Variants in FOXP1 observed in about 807,000 individuals in gnomAD.
The protein encoded by FOXP1 is forkhead box P1, also known as forkhead box protein P1.
In FOXP1, 15 loss-of-function variants were observed where a neutral mutation model predicts 98.2. The observed-to-expected ratio is 0.15, with a 90% CI of 0.10 to 0.24. The LOEUF is 0.24. Ranked by LOEUF, FOXP1 falls within the 10% of genes least tolerant of loss-of-function variation. The probability of loss-of-function intolerance (pLI) is 1.00; values close to 1 mark genes in which losing one functional copy is unlikely to be tolerated. For synonymous variants in FOXP1, 371 were observed against 314.5 expected, an observed-to-expected ratio of 1.18 and a Z score of -1.90; for missense variants, 633 against 848.5, an observed-to-expected ratio of 0.75 and a Z score of 3.15.
intron 6 of FOXP1, among the ~76,000 whole-genome samples, chr3:71,174,580 C>G (rs2061819997): frequency 6.6e-6 from 1 of 152,022 alleles, no homozygotes; most frequent in Non-Finnish European, 1.5e-5. Context: ...TGGAAGGGTC[C>G]ACATCATACC....
At chr3:71,368,521 AG>A (rs2079073834) in intron 3 of FOXP1, among the ~76,000 whole-genome samples, 1 of 152,230 alleles carries the variant, frequency 6.6e-6, no homozygotes, top group South Asian at 2.1e-4. Context: ...TGAGAAAAAA[AG>A]GGTATTGATA....
chr3:71,205,634 G>C (rs1009572056), intron 5 of FOXP1, among the ~76,000 whole-genome samples: 1 of 152,184 alleles, frequency 6.6e-6, no homozygotes, highest in African/African-American at 2.4e-5. Context: ...GAGGAGTCGG[G>C]CCTCCCCAGG....
intron 3 of FOXP1, among the ~76,000 whole-genome samples, chr3:71,463,515 C>T (rs1049433383): frequency 6.6e-6 from 1 of 152,140 alleles, no homozygotes; most frequent in African/African-American, 2.4e-5. Context: ...CTGTATGCAA[C>T]AGGCTCTCCC....
chr3:71,274,208 C>T (rs1345602685), intron 5 of FOXP1, among the ~76,000 whole-genome samples: 12 of 152,148 alleles, frequency 7.9e-5, no homozygotes, highest in Non-Finnish European at 1.3e-4. Flanking sequence ...TGTTCCCAGG[C>T]CTATAGGAGC....
chr3:71,557,496 C>G (rs1578168451), intron 2 of FOXP1, among the ~76,000 whole-genome samples: 1 of 152,098 alleles, frequency 6.6e-6, no homozygotes, highest in African/African-American at 2.4e-5. Flanking sequence ...GTGGTCAACC[C>G]AAGCCAAGAA....
Position 71,027,925 on chromosome 3 carries a change from G to A in FOXP1, c.870-12272C>T, listed in dbSNP as rs770263803. ...AACTTTAAGTAAGTTCTCATCCTCG[G>A]AAAGAGTTCTACCCAATTCTCTAGT... On this transcript the variant is annotated intron_variant, in intron 11 of 20. Coordinates refer to ENST00000649528, the MANE Select transcript of FOXP1 (RefSeq NM_001349338.3). 2.0e-5 allele frequency among the ~76,000 whole-genome samples: 3 copies of A among 152,094 alleles called. No individual in the cohort carries two copies. The South Asian group carries it at 6.2e-4, about 32-fold the overall frequency.
At chr3:71,484,684 C>T (rs1211183367) in intron 3 of FOXP1, among the ~76,000 whole-genome samples, 5 of 152,060 alleles carry the variant, frequency 3.3e-5, no homozygotes, top group Non-Finnish European at 5.9e-5. Flanking sequence ...AGTCCTGGGG[C>T]CAGGACCTGA....
chr3:71,254,715 C>T (rs981823492), intron 5 of FOXP1, among the ~76,000 whole-genome samples: 7 of 152,166 alleles, frequency 4.6e-5, no homozygotes. Flanking sequence ...ACTCTTTTCA[C>T]ATGTACACTG....
chr3:71,364,773 T>A (rs1222843173), intron 3 of FOXP1, among the ~76,000 whole-genome samples: 1 of 152,248 alleles, frequency 6.6e-6, no homozygotes, highest in Non-Finnish European at 1.5e-5. Context: ...GCGTTTCAGA[T>A]GTTCTTCATG....
rs2044534734 is a variant in FOXP1, at chr3:71,016,656, A to ACACAC, written c.870-1004_870-1003insGTGTG. ...AAGCACAATGAATGATGATTACAAG[A>ACACAC]ACACACACACACACACACACACACA... is the stretch of plus-strand genomic sequence containing the variant. On this transcript the variant is annotated intron_variant, in intron 11 of 20. Transcript: ENST00000649528. Among the ~76,000 whole-genome samples the ACACAC allele has an allele frequency of 2.7e-5, 4 of 146,258 alleles. No homozygotes were observed. The South Asian group carries it at 6.6e-4, about 24-fold the overall frequency.
chr3:71,547,873 T>C (rs902862150), intron 2 of FOXP1, among the ~76,000 whole-genome samples: 1 of 152,218 alleles, frequency 6.6e-6, no homozygotes, highest in Non-Finnish European at 1.5e-5. Context: ...GAGCTCTTGT[T>C]GTGTACATCT....
At chr3:71,547,404 C>T (rs1250880494) in intron 2 of FOXP1, among the ~76,000 whole-genome samples, 1 of 152,154 alleles carries the variant, frequency 6.6e-6, no homozygotes, top group African/African-American at 2.4e-5. Context: ...CCATATCAGG[C>T]CTTATCCAAA....
chr3:71,571,192 T>A (rs1022548175), intron 2 of FOXP1: 10 of 152,212 alleles, frequency 6.6e-5, no homozygotes, highest in Non-Finnish European at 1.5e-4. Flanking sequence ...TGTTTTCCCT[T>A]AAGGTTTTAG....
At chr3:71,413,259 G>GACACACACAC (rs528319234) in intron 3 of FOXP1, among the ~76,000 whole-genome samples, 7,349 of 64,172 alleles carry the variant, frequency 0.11, 431 homozygotes, top group Non-Finnish European at 0.14. Context: ...CCCCCAAATA[G>GACACACACAC]ACACACACAC....
chr3:71,018,497 C>T (rs1409822413), intron 11 of FOXP1, among the ~76,000 whole-genome samples: 2 of 152,200 alleles, frequency 1.3e-5, no homozygotes, highest in African/African-American at 2.4e-5. Flanking sequence ...CCCCACACCC[C>T]AACCTAGGCA....
chr3:70,968,746 T>C (rs372689952), intron 19 of FOXP1: 53 of 152,328 alleles, frequency 3.5e-4, no homozygotes, highest in Admixed American at 1.6e-3. Flanking sequence ...TTTGAAGATA[T>C]TGTTCCACTA....
chr3:71,179,897 G>C (rs982813663), intron 6 of FOXP1, among the ~76,000 whole-genome samples: 2 of 152,050 alleles, frequency 1.3e-5, no homozygotes, highest in Admixed American at 6.6e-5. Flanking sequence ...AAAATTATTT[G>C]CTATTCAATT....
intron 5 of FOXP1, among the ~76,000 whole-genome samples, chr3:71,295,715 A>T (rs1008890651): frequency 6.6e-6 from 1 of 152,230 alleles, no homozygotes. Context: ...TGAATTTTAC[A>T]AATTGGATTT....
chr3:70,970,044 T>C (rs1423308897), intron 19 of FOXP1: 1 of 152,400 alleles, frequency 6.6e-6, no homozygotes. Context: ...CTGCCTCAGG[T>C]AGCTCCTTTT....
Sources: gnomAD v4.1 joint callset for allele counts (sites outside exome capture counted in the v4.1 genomes callset) on GRCh38, gnomAD v4.1.1 for gene constraint, MANE v1.5 for transcripts, NCBI Gene and HGNC (gene_info 2026-07-23, HGNC 2026-07-21) for gene names.